B3GLCT: variants seen among roughly 807,000 people sequenced by gnomAD.
B3GLCT encodes beta 3-glucosyltransferase.
In B3GLCT, 65 loss-of-function variants were observed where a neutral mutation model predicts 63.4. The ratio of observed to expected loss-of-function variants is 1.03; its 90% CI spans 0.84 to 1.26. The LOEUF (loss-of-function observed/expected upper bound fraction) is 1.26, where lower values mean the gene tolerates loss of function less well. Ranked by LOEUF, B3GLCT falls within the 50% of genes most tolerant of loss-of-function variation. The pLI, the probability that B3GLCT is intolerant of heterozygous loss-of-function variation, is 0.00. For synonymous variants in B3GLCT, 233 were observed against 219.2 expected, an observed-to-expected ratio of 1.06 and a Z score of -0.55; for missense variants, 577 against 604.8, an observed-to-expected ratio of 0.95 and a Z score of 0.48.
chr13:31,295,466 A>G (rs1005598635), intron 12 of B3GLCT, among the ~76,000 whole-genome samples: 19 of 152,172 alleles, frequency 1.2e-4, no homozygotes, highest in African/African-American at 4.6e-4. Context: ...AGTTTTATGT[A>G]TAAGCCCCTG....
At chr13:31,284,222 G>A (rs1359662819) in intron 10 of B3GLCT, among the ~76,000 whole-genome samples, 1 of 152,190 alleles carries the variant, frequency 6.6e-6, no homozygotes, top group East Asian at 1.9e-4. Flanking sequence ...CCTTTGTAGG[G>A]TTGGGTAGTT....
intron 13 of B3GLCT, among the ~76,000 whole-genome samples, chr13:31,318,144 A>T (rs925270374): frequency 6.6e-6 from 1 of 152,220 alleles, no homozygotes; most frequent in Non-Finnish European, 1.5e-5. Context: ...ACAGTTAAAA[A>T]TCAGTGTTTT....
At chr13:31,227,537 G>C (rs571596125) in intron 3 of B3GLCT, among the ~76,000 whole-genome samples, 1 of 152,190 alleles carries the variant, frequency 6.6e-6, no homozygotes, top group South Asian at 2.1e-4. Context: ...AATAGAGACA[G>C]GTATATGGAA....
chr13:31,265,603 A>G (rs1007193837), intron 7 of B3GLCT, among the ~76,000 whole-genome samples: 4 of 152,244 alleles, frequency 2.6e-5, no homozygotes, highest in Admixed American at 2.0e-4. Flanking sequence ...TTGAGTTCAC[A>G]CTGCCTAATA....
chr13:31,290,804 G>C (rs546055287), intron 12 of B3GLCT, among the ~76,000 whole-genome samples: 1 of 152,298 alleles, frequency 6.6e-6, no homozygotes, highest in African/African-American at 2.4e-5. Context: ...CTCCCATTCT[G>C]TAGGTTGCCT....
At chr13:31,247,142 C>G (rs772263738) in intron 5 of B3GLCT, 43 bp downstream of exon 5, 8 of 1,452,196 alleles carry the variant, frequency 5.5e-6, no homozygotes, top group Non-Finnish European at 7.7e-6. Context: ...ACATTCCTAC[C>G]TGAACACTTT....
intron 7 of B3GLCT, among the ~76,000 whole-genome samples, chr13:31,266,200 G>A (rs1025070914): frequency 3.2e-4 from 49 of 151,938 alleles, no homozygotes; most frequent in African/African-American, 9.2e-4. Context: ...GGGTTTCACC[G>A]TGTTAGCCAG....
chr13:31,243,553 A>G (rs1452325972), intron 4 of B3GLCT, among the ~76,000 whole-genome samples: 1 of 152,224 alleles, frequency 6.6e-6, no homozygotes, highest in Non-Finnish European at 1.5e-5. Flanking sequence ...CCATGTCAAG[A>G]ATAATGACCC....
intron 12 of B3GLCT, 34 bp from the exon 13 acceptor site, chr13:31,317,532 A>G (rs747121225): frequency 5.0e-6 from 8 of 1,613,362 alleles, no homozygotes; most frequent in Non-Finnish European, 6.8e-6. Flanking sequence ...TTTGAATCAA[A>G]TAATCATGAT....
intron 10 of B3GLCT, among the ~76,000 whole-genome samples, chr13:31,278,741 A>G (rs537427297): frequency 6.6e-6 from 1 of 152,384 alleles, no homozygotes; most frequent in South Asian, 2.1e-4. Context: ...AGAGTTATCC[A>G]GTAATACCAG....
chr13:31,216,389 T>C (rs1322427567), intron 2 of B3GLCT, among the ~76,000 whole-genome samples: 2 of 152,224 alleles, frequency 1.3e-5, no homozygotes, highest in Non-Finnish European at 2.9e-5. Flanking sequence ...GATTTTTTTT[T>C]CTTTTCAACT....
At chr13:31,288,627 C>G (rs1444126891) in intron 12 of B3GLCT, among the ~76,000 whole-genome samples, 5 of 152,204 alleles carry the variant, frequency 3.3e-5, no homozygotes, top group Admixed American at 1.3e-4. Context: ...GGAAATTACA[C>G]ATACCACGAA....
intron 4 of B3GLCT, among the ~76,000 whole-genome samples, chr13:31,241,634 T>C (rs752283921): frequency 1.3e-5 from 2 of 152,090 alleles, no homozygotes; most frequent in African/African-American, 2.4e-5. Flanking sequence ...CCTGAGAACA[T>C]AGGCAAGGAA....
rs551006771 is a variant in B3GLCT at position 31,258,693 on chromosome 13, C to T, written c.460-2253C>T. Among the ~76,000 whole-genome samples the T allele has an allele frequency of 2.6e-5, 4 of 152,306 alleles. 1 individual carries two copies. The South Asian group carries it at 8.3e-4, about 32-fold the overall frequency. ...TGTATACTGTCTCCCTCTATGACTT[C>T]CCCTGCTGCCAGCTGCTTTTAGGAT... On this transcript the variant is annotated intron_variant, in intron 6 of 14. Transcript: ENST00000343307.
At chr13:31,327,073 C>A (rs1028748) in intron 14 of B3GLCT, among the ~76,000 whole-genome samples, 119,474 of 152,118 alleles carry the variant, frequency 0.79, 47,126 homozygotes, top group East Asian at 0.99. Context: ...ATACATTCCA[C>A]AATCCCCCCA....
intron 14 of B3GLCT, among the ~76,000 whole-genome samples, chr13:31,326,977 T>C (rs1875656021): frequency 6.6e-6 from 1 of 152,190 alleles, no homozygotes; most frequent in Non-Finnish European, 1.5e-5. Context: ...TGCATTTCTA[T>C]CTTCAACAGT....
At chr13:31,219,615 C>T (rs923711182) in intron 2 of B3GLCT, among the ~76,000 whole-genome samples, 9 of 152,152 alleles carry the variant, frequency 5.9e-5, no homozygotes, top group African/African-American at 1.9e-4. Context: ...GCTTAGTGAA[C>T]CTCGCTGTGC....
At chr13:31,213,752 A>G (rs1202207501) in intron 1 of B3GLCT, among the ~76,000 whole-genome samples, 1 of 151,874 alleles carries the variant, frequency 6.6e-6, no homozygotes, top group East Asian at 1.9e-4. Flanking sequence ...GAGAAGAGTA[A>G]AGCAGAGTGA....
At chr13:31,258,942 T>C (rs1384211332) in intron 6 of B3GLCT, among the ~76,000 whole-genome samples, 1 of 152,202 alleles carries the variant, frequency 6.6e-6, no homozygotes, top group Non-Finnish European at 1.5e-5. Context: ...TCCTTTTGTC[T>C]CATATTGCCA....
Sources: gnomAD v4.1 joint callset for allele counts (sites outside exome capture counted in the v4.1 genomes callset) on GRCh38, gnomAD v4.1.1 for gene constraint, MANE v1.5 for transcripts, NCBI Gene and HGNC (gene_info 2026-07-23, HGNC 2026-07-21) for gene names.